Variants in RSU1 observed in about 807,000 individuals in gnomAD.
RSU1 encodes Ras suppressor protein 1.
Under a neutral mutation model 31.1 loss-of-function variants are expected in RSU1, and 26 were observed. The observed-to-expected ratio is 0.84, with a 90% CI of 0.61 to 1.16. The LOEUF is 1.16. Among genes scored for constraint, RSU1 ranks in the 50% most tolerant of loss-of-function variants. The probability of loss-of-function intolerance (pLI) is 0.00; values close to 1 mark genes in which losing one functional copy is unlikely to be tolerated. For missense variants in RSU1, 320 were observed against 339.1 expected (o/e 0.94, Z 0.44); for synonymous variants, 164 against 136.3 (o/e 1.20, Z -1.41).
chr10:16,752,713 C>T, intron 6 of RSU1, 60 bp from the exon 7 acceptor site: 3 of 1,269,798 alleles, frequency 2.4e-6, no homozygotes, highest in East Asian at 2.3e-5. Context: ...TCCACAGAAA[C>T]TCTCATCCTC....
intron 3 of RSU1, among the ~76,000 whole-genome samples, chr10:16,776,684 C>T (rs1422558271): frequency 6.6e-6 from 1 of 151,968 alleles, no homozygotes; most frequent in Non-Finnish European, 1.5e-5. Context: ...GAGACCCACA[C>T]TTTTGAAAAG....
At position 16,745,022 on chromosome 10, in the gene RSU1, A is replaced by C. The variant is rs1836822493; in HGVS notation, c.598+7517T>G. 2.0e-5 allele frequency among the ~76,000 whole-genome samples: 3 copies of C among 151,804 alleles called. No individual in the cohort carries two copies. In the South Asian group the frequency reaches 6.2e-4, roughly 32 times the overall value. ...GAGGTGAGACTTTGGCTTTGGATCT[A>C]CTCTGTTGTTTCTTTCTCACTAGGC... is the stretch of plus-strand genomic sequence containing the variant. On this transcript the variant is annotated intron_variant, in intron 7 of 8. Transcript: ENST00000345264.
intron 2 of RSU1, among the ~76,000 whole-genome samples, chr10:16,798,434 G>A (rs1838084846): frequency 6.6e-6 from 1 of 152,136 alleles, no homozygotes; most frequent in Admixed American, 6.5e-5. Context: ...ACTGAATCAT[G>A]GGGGTGGTTT....
At chr10:16,778,849 G>C (rs936268968) in intron 3 of RSU1, among the ~76,000 whole-genome samples, 1 of 152,194 alleles carries the variant, frequency 6.6e-6, no homozygotes, top group Non-Finnish European at 1.5e-5. Context: ...AAGGCAGAGA[G>C]GGGCAGTGAG....
At chr10:16,727,259 G>A (rs934934256) in intron 7 of RSU1, 3 of 390,394 alleles carry the variant, frequency 7.7e-6, no homozygotes, top group Admixed American at 5.6e-5. Context: ...TCACAGAGGA[G>A]ATAACTTGAT....
At chr10:16,614,556 C>T (rs992454540) in intron 8 of RSU1, among the ~76,000 whole-genome samples, 4 of 152,038 alleles carry the variant, frequency 2.6e-5, no homozygotes, top group African/African-American at 7.2e-5. Flanking sequence ...GATAGATACC[C>T]AATATACCAA....
In RSU1 at chr10:16,607,870, G is replaced by A. The variant is rs964933832; in HGVS notation, c.732-14374C>T. Among the ~76,000 whole-genome samples the A allele has an allele frequency of 3.9e-5, 6 of 152,092 alleles. No homozygotes were observed. The South Asian group carries it at 6.2e-4, about 16-fold the overall frequency. Reference sequence around the variant, plus strand: ...TATGGCATGATAATCTATAATTATCGTGAGTTTTTTTGAGACAGAGTCTTG... The same window carrying A: ...TATGGCATGATAATCTATAATTATCATGAGTTTTTTTGAGACAGAGTCTTG... On this transcript the variant is annotated intron_variant, in intron 8 of 8. Transcript: ENST00000345264.
chr10:16,600,404 C>T (rs945078223), intron 8 of RSU1, among the ~76,000 whole-genome samples: 4 of 152,090 alleles, frequency 2.6e-5, no homozygotes, highest in Admixed American at 6.6e-5. Flanking sequence ...GCAGACAGGC[C>T]GCTTCAAGCT....
intron 2 of RSU1, among the ~76,000 whole-genome samples, chr10:16,790,783 A>T (rs377554010): frequency 2.9e-4 from 44 of 152,226 alleles, no homozygotes; most frequent in African/African-American, 9.2e-4. Context: ...TGGTTGTTTG[A>T]AAGTGTGTTA....
chr10:16,754,988 T>C lies in RSU1; in HGVS notation c.283A>G (p.Met95Val), dbSNP rs765065576. The change falls in exon 5 of 9, where the codon ATG becomes GTG. Residue 95 changes from methionine (M) to valine (V), a missense_variant and splice_region_variant. Coordinates refer to ENST00000345264, the MANE Select transcript of RSU1 (RefSeq NM_012425.4). Reference protein sequence around the residue: ...LQKLKHLNLGMNRLNTLPRGF... With the variant: ...LQKLKHLNLGVNRLNTLPRGF... ...CGTGGCAAAGTGTTCAGCCTGTTCA[T>C]GCTGTTGCAGGGGGACAAAAATCTA... 1 of 1,605,606 alleles carries C rather than the reference T, an allele frequency of 6.2e-7. No individual in the cohort carries two copies. Among genetic ancestry groups the C allele is most frequent in the Non-Finnish European group, 8.5e-7 (1 of 1,173,962 alleles).
At chr10:16,739,970 T>C (rs1266432466) in intron 7 of RSU1, among the ~76,000 whole-genome samples, 3 of 152,142 alleles carry the variant, frequency 2.0e-5, no homozygotes, top group South Asian at 2.1e-4. Flanking sequence ...ACAGAAAATC[T>C]GAAGAGCCTT....
chr10:16,625,624 A>C (rs1834143935), intron 8 of RSU1, among the ~76,000 whole-genome samples: 2 of 152,162 alleles, frequency 1.3e-5, no homozygotes, highest in African/African-American at 4.8e-5. Flanking sequence ...GTCCTGGTGG[A>C]AGTGTCCCCT....
intron 8 of RSU1, among the ~76,000 whole-genome samples, chr10:16,669,902 T>C (rs773238562): frequency 4.6e-5 from 7 of 152,224 alleles, no homozygotes; most frequent in Non-Finnish European, 1.0e-4. Flanking sequence ...CATACTTACA[T>C]GCCCAAAGTC....
chr10:16,716,989 T>C (rs1286045151), intron 7 of RSU1, among the ~76,000 whole-genome samples: 2 of 152,168 alleles, frequency 1.3e-5, no homozygotes, highest in Non-Finnish European at 2.9e-5. Context: ...ATAGGACAAA[T>C]ACTGAAGTTT....
chr10:16,740,230 G>T (rs1836723797), intron 7 of RSU1, among the ~76,000 whole-genome samples: 1 of 151,846 alleles, frequency 6.6e-6, no homozygotes, highest in Non-Finnish European at 1.5e-5. Context: ...ATGAAATCCA[G>T]AAATATATAA....
intron 8 of RSU1, among the ~76,000 whole-genome samples, chr10:16,659,057 G>A (rs1356933699): frequency 6.6e-6 from 1 of 152,084 alleles, no homozygotes; most frequent in Non-Finnish European, 1.5e-5. Flanking sequence ...TCTTTGAAAT[G>A]CTTGTTCATA....
chr10:16,749,728 C>G (rs1836934567), intron 7 of RSU1, among the ~76,000 whole-genome samples: 1 of 152,190 alleles, frequency 6.6e-6, no homozygotes, highest in African/African-American at 2.4e-5. Flanking sequence ...CTTGCAGAGG[C>G]CATCTCAGCT....
rs952541849 is a variant in RSU1 at position 16,593,235 on chromosome 10, G to T, written c.*159C>A. 1.7e-5 allele frequency: 23 copies of T among 1,346,820 alleles called. No individual in the cohort carries two copies. In the African/African-American group the frequency reaches 2.9e-4, roughly 17 times the overall value. The allele number at this position is 1,346,820 out of a possible 1,614,324, so 83.4% of individuals were successfully genotyped here. A position where few individuals can be genotyped will look rare whatever the true frequency, so the allele number is the denominator to read the frequency against. ...TATAACAATCTCCCACCTAGCAAAA[G>T]AATCTAAAAGGTAAGGTGGGAAGCA... On this transcript the variant is annotated 3_prime_UTR_variant, in exon 9 of 9. Coordinates refer to ENST00000345264, the MANE Select transcript of RSU1 (RefSeq NM_012425.4).
At chr10:16,761,264 G>C (rs74465697) in intron 4 of RSU1, among the ~76,000 whole-genome samples, 7,435 of 152,184 alleles carry the variant, frequency 0.049, 609 homozygotes, top group African/African-American at 0.17. Context: ...ATTTAGCACA[G>C]AGTGCTTTTC....
Sources: allele counts gnomAD v4.1 joint callset (sites outside exome capture counted in the v4.1 genomes callset), GRCh38; gene constraint gnomAD v4.1.1; transcripts MANE v1.5; gene names NCBI Gene and HGNC (gene_info 2026-07-23, HGNC 2026-07-21).